ITGA6: variants seen among roughly 807,000 people sequenced by gnomAD.
ITGA6 encodes integrin alpha-6.
ITGA6 carries 63 observed loss-of-function variants against 133.6 expected under a neutral mutation model. The observed-to-expected ratio is 0.47, with a 90% confidence interval of 0.38 to 0.58. The LOEUF is 0.58. ITGA6 is among the 20% of genes least tolerant of loss of function. The pLI is 0.00. For missense variants in ITGA6, 1,068 were observed against 1,309.4 expected (o/e 0.82, Z 2.85); for synonymous variants, 434 against 482.0 (o/e 0.90, Z 1.30).
intron 1 of ITGA6, among the ~76,000 whole-genome samples, chr2:172,437,141 T>C (rs1684353652): frequency 1.3e-5 from 2 of 152,212 alleles, no homozygotes; most frequent in South Asian, 4.1e-4. Context: ...TTATGGATCA[T>C]CGAATGACTG....
Position 172,467,355 on chromosome 2 carries a change from A to G in ITGA6, c.308-126A>G, listed in dbSNP as rs1574364660. On this transcript the variant is annotated intron_variant, in intron 2 of 25. Transcript: ENST00000684293. ...ACAAGTAATTTTTCTGGATTGAGTAACTGAATTTATTGAGTAGCTAGACTC... is the reference window on the plus strand; with the variant it reads ...ACAAGTAATTTTTCTGGATTGAGTAGCTGAATTTATTGAGTAGCTAGACTC... 5 of 713,028 alleles carry G rather than the reference A, an allele frequency of 7.0e-6. No individual in the cohort carries two copies. The African/African-American group carries it at 8.8e-5, about 12-fold the overall frequency. 44.2% of individuals were successfully genotyped at this position (713,028 alleles called of 1,614,324 possible). A position where few individuals can be genotyped will look rare whatever the true frequency, so the allele number is the denominator to read the frequency against.
At chr2:172,489,046 C>T (rs1222598567) in intron 19 of ITGA6, among the ~76,000 whole-genome samples, 1 of 152,150 alleles carries the variant, frequency 6.6e-6, no homozygotes, top group African/African-American at 2.4e-5. Context: ...TGCAGAATCT[C>T]CTCTGGGACA....
intron 3 of ITGA6, among the ~76,000 whole-genome samples, chr2:172,468,349 T>G (rs1231831817): frequency 6.6e-6 from 1 of 152,218 alleles, no homozygotes. Context: ...TATGATCTTT[T>G]TGTCTCCTTC....
At position 172,489,668 on chromosome 2, in the gene ITGA6, T is replaced by G; in HGVS notation, c.2679+10T>G. ...CTCCCTGAACCTAACGGTATGTCGG[T>G]AGATTTATCTAATGTCTCCATAAAT... On this transcript the variant is annotated intron_variant, in intron 20 of 25. Coordinates refer to ENST00000684293, the MANE Select transcript of ITGA6 (RefSeq NM_000210.4). The G allele has an allele frequency of 6.2e-7, 1 of 1,608,908 alleles. No individual in the cohort carries two copies. The highest frequency in any genetic ancestry group is 8.5e-7 in the Non-Finnish European group (1 of 1,175,408).
intron 1 of ITGA6, among the ~76,000 whole-genome samples, chr2:172,450,015 A>C (rs1374474397): frequency 6.6e-6 from 1 of 151,246 alleles, no homozygotes; most frequent in African/African-American, 2.4e-5. Flanking sequence ...CTGAGTCAAG[A>C]GTGTTCGGAA....
intron 1 of ITGA6, 62 bp downstream of exon 1, chr2:172,428,032 G>C (rs981937161): frequency 1.9e-6 from 3 of 1,540,784 alleles, no homozygotes; most frequent in Non-Finnish European, 2.6e-6. Flanking sequence ...GTTGAGGCGA[G>C]GGCGCGCCCT....
intron 9 of ITGA6, 52 bp downstream of exon 9, chr2:172,476,565 TA>T: frequency 2.8e-6 from 3 of 1,079,282 alleles, no homozygotes; most frequent in African/African-American, 3.1e-5. Flanking sequence ...CAGGTTATAC[TA>T]AAATGTTGAC....
At position 172,487,154 on chromosome 2, in the gene ITGA6, T is replaced by C. The variant is rs757011713; in HGVS notation, c.1970+16T>C. The C allele has an allele frequency of 6.5e-7, 1 of 1,532,776 alleles. No homozygotes were observed. The allele number at this position is 1,532,776 out of a possible 1,614,324, so 94.9% of individuals were successfully genotyped here. On this transcript the variant is annotated intron_variant, in intron 14 of 25. Coordinates refer to ENST00000684293, the MANE Select transcript of ITGA6 (RefSeq NM_000210.4). The stretch of plus-strand genomic sequence containing the variant: ...ATTTACCAATGTAAGAATCGTTGTG[T>C]AGCACTAGCAAAAATGATTCTGGCT...
chr2:172,451,475 A>G (rs1209523252), intron 1 of ITGA6, among the ~76,000 whole-genome samples: 1 of 152,086 alleles, frequency 6.6e-6, no homozygotes, highest in Admixed American at 6.6e-5. Context: ...AAAAAAAAAA[A>G]AAAGGGAATG....
intron 1 of ITGA6, among the ~76,000 whole-genome samples, chr2:172,453,249 G>A (rs1685080252): frequency 6.6e-6 from 1 of 151,982 alleles, no homozygotes; most frequent in Non-Finnish European, 1.5e-5. Context: ...GTACAGGGCT[G>A]GGCGCAGTGG....
intron 1 of ITGA6, among the ~76,000 whole-genome samples, chr2:172,437,161 C>T (rs1684354703): frequency 6.6e-6 from 1 of 152,192 alleles, no homozygotes; most frequent in Admixed American, 6.5e-5. Flanking sequence ...GGCTTTTACT[C>T]ATGAATGAGA....
chr2:172,459,018 G>A (rs1685322941), intron 1 of ITGA6, among the ~76,000 whole-genome samples: 1 of 151,944 alleles, frequency 6.6e-6, no homozygotes, highest in African/African-American at 2.4e-5. Flanking sequence ...GAGAGAAAGG[G>A]TAGATTAACC....
chr2:172,489,826 G>A, intron 20 of ITGA6, 168 bp downstream of exon 20: 1 of 648,850 alleles, frequency 1.5e-6, no homozygotes, highest in Non-Finnish European at 2.7e-6. Flanking sequence ...GGGAGGCTGA[G>A]GCATTTTTGC....
chr2:172,454,656 A>G (rs1685142200), intron 1 of ITGA6, among the ~76,000 whole-genome samples: 1 of 152,212 alleles, frequency 6.6e-6, no homozygotes, highest in Admixed American at 6.5e-5. Flanking sequence ...AAAGAAGCCT[A>G]TGTCCTGACC....
intron 4 of ITGA6, among the ~76,000 whole-genome samples, chr2:172,470,607 A>T (rs1314899694): frequency 6.6e-6 from 1 of 152,202 alleles, no homozygotes. Flanking sequence ...CAAAAAAAAG[A>T]CAAATTGAGG....
chr2:172,488,042 A>C lies in ITGA6; in HGVS notation c.2402+4A>C. On this transcript the variant is annotated splice_donor_region_variant and intron_variant, in intron 18 of 25. Coordinates refer to ENST00000684293, the MANE Select transcript of ITGA6 (RefSeq NM_000210.4). Reference sequence around the variant, plus strand: ...AACTGCTTTTATCGGTCTCGGGGTAAGTGTTTGTGTTTAGCATAACAAATC... The same window carrying C: ...AACTGCTTTTATCGGTCTCGGGGTACGTGTTTGTGTTTAGCATAACAAATC... 2 of 1,613,828 alleles carry C rather than the reference A, an allele frequency of 1.2e-6. No homozygotes were observed. Among genetic ancestry groups the C allele is most frequent in the Non-Finnish European group, 1.7e-6 (2 of 1,179,730 alleles).
chr2:172,469,304 G>A lies in ITGA6; in HGVS notation c.567G>A (p.Gln189=). Residue 189 remains glutamine, a synonymous_variant, in exon 4 of 26, where the codon CAG becomes CAA. Coordinates refer to ENST00000684293, the MANE Select transcript of ITGA6 (RefSeq NM_000210.4). ...LRGHEKFGSC[Q]QGVAATFTKD... is the part of the protein sequence containing the mutation. The stretch of plus-strand genomic sequence containing the variant: ...GCCATGAGAAATTTGGCTCTTGCCA[G>A]CAAGGTGTAGCAGCTACTTTTACTA... 6.2e-7 allele frequency: 1 copy of A among 1,614,100 alleles called. No homozygotes were observed. The highest frequency in any genetic ancestry group is 2.2e-5 in the East Asian group (1 of 44,880).
chr2:172,462,393 G>A (rs1685464362), intron 1 of ITGA6, among the ~76,000 whole-genome samples: 1 of 152,206 alleles, frequency 6.6e-6, no homozygotes, highest in Non-Finnish European at 1.5e-5. Flanking sequence ...AACAGCTAAC[G>A]TTATTCTCTG....
Position 172,504,305 on chromosome 2 carries a change from C to T in ITGA6, c.*237C>T. 7.3e-7 allele frequency: 1 copy of T among 1,360,552 alleles called. No homozygotes were observed. The highest frequency in any genetic ancestry group is 1.0e-6 in the Non-Finnish European group (1 of 1,003,476). The allele number at this position is 1,360,552 out of a possible 1,614,324, so 84.3% of individuals were successfully genotyped here. A position where few individuals can be genotyped will look rare whatever the true frequency, so the allele number is the denominator to read the frequency against. ...AGTACCCAAACTGCTTTTTCCAACT[C>T]AGAAATTCAATTTGGATTTAAAAGC... On this transcript the variant is annotated 3_prime_UTR_variant, in exon 26 of 26. Transcript: ENST00000684293.
Sources: allele counts gnomAD v4.1 joint callset (sites outside exome capture counted in the v4.1 genomes callset), GRCh38; gene constraint gnomAD v4.1.1; transcripts MANE v1.5; gene names NCBI Gene and HGNC (gene_info 2026-07-23, HGNC 2026-07-21).